DNAH14: variants seen among roughly 807,000 people sequenced by gnomAD.
DNAH14 encodes the protein axonemal beta dynein heavy chain 14.
DNAH14 carries 478 observed loss-of-function variants against 520.9 expected under a neutral mutation model. The observed-to-expected ratio is 0.92, with a 90% CI of 0.85 to 0.99. DNAH14 has a LOEUF of 0.99. DNAH14 is among the 50% of genes least tolerant of loss of function. The pLI is 0.00. For synonymous variants in DNAH14, 1,581 were observed against 1,757.2 expected (o/e 0.90, Z 2.51); for missense variants, 4,831 against 5,234.5 (o/e 0.92, Z 2.38).
chr1:224,971,248 C>T (rs10915750), intron 7 of DNAH14, among the ~76,000 whole-genome samples: 6,118 of 152,108 alleles, frequency 0.04, 345 homozygotes, highest in African/African-American at 0.13. Flanking sequence ...TCTCTAATGT[C>T]TGCATTTTCT....
At chr1:225,266,258 G>T (rs959057300) in intron 48 of DNAH14, among the ~76,000 whole-genome samples, 5 of 152,064 alleles carry the variant, frequency 3.3e-5, no homozygotes, top group Non-Finnish European at 2.9e-5. Flanking sequence ...CTACAATAGT[G>T]CCTTGCCAAT....
At chr1:225,059,708 T>G (rs2069740012) in intron 17 of DNAH14, among the ~76,000 whole-genome samples, 1 of 152,096 alleles carries the variant, frequency 6.6e-6, no homozygotes, top group Admixed American at 6.5e-5. Context: ...AGGAGCTCTT[T>G]TAGGGCAGGC....
chr1:225,082,438 A>G lies in DNAH14; in HGVS notation c.3137-111A>G, dbSNP rs1572939377. The G allele has an allele frequency of 1.2e-5, 10 of 806,212 alleles. No homozygotes were observed. In the East Asian group the frequency reaches 2.6e-4, roughly 21 times the overall value. The allele number at this position is 806,212 out of a possible 1,614,324, so 49.9% of individuals were successfully genotyped here. On this transcript the variant is annotated intron_variant, in intron 19 of 85. Transcript: ENST00000682510. Reference sequence around the variant, plus strand: ...TTATTTTAATGTAGTTTAATAATTGATAAAGTAGTTTTTAACAAATTTTAA... The same window carrying G: ...TTATTTTAATGTAGTTTAATAATTGGTAAAGTAGTTTTTAACAAATTTTAA...
At chr1:224,994,329 A>T (rs2125780335) in intron 8 of DNAH14, among the ~76,000 whole-genome samples, 1 of 152,140 alleles carries the variant, frequency 6.6e-6, no homozygotes, top group East Asian at 1.9e-4. Context: ...TAAATTCTTT[A>T]ATATTTGCTT....
At chr1:225,108,657 C>G (rs1466940286) in intron 23 of DNAH14, among the ~76,000 whole-genome samples, 1 of 152,128 alleles carries the variant, frequency 6.6e-6, no homozygotes. Flanking sequence ...TTCTCCCATT[C>G]TGTGGGTTGT....
At chr1:225,065,267 AAG>A (rs2148449749) in intron 17 of DNAH14, among the ~76,000 whole-genome samples, 1 of 152,038 alleles carries the variant, frequency 6.6e-6, no homozygotes, top group South Asian at 2.1e-4. Flanking sequence ...ATAGGGTACA[AAG>A]TGATGTAATG....
intron 10 of DNAH14, among the ~76,000 whole-genome samples, chr1:225,016,834 T>A (rs936885534): frequency 6.6e-6 from 1 of 151,770 alleles, no homozygotes; most frequent in African/African-American, 2.4e-5. Flanking sequence ...TTGCTGAAGG[T>A]CTCAGTTGCA....
intron 8 of DNAH14, among the ~76,000 whole-genome samples, chr1:224,975,304 C>T (rs1008809350): frequency 3.3e-5 from 5 of 152,092 alleles, no homozygotes; most frequent in Non-Finnish European, 7.4e-5. Context: ...AGGAATAGTA[C>T]CAGTTCCTCC....
chr1:225,262,535 G>T (rs2092969317), intron 46 of DNAH14, among the ~76,000 whole-genome samples: 1 of 151,930 alleles, frequency 6.6e-6, no homozygotes. Context: ...TAAGAGATAA[G>T]AATCCAGTTT....
chr1:225,336,080 TATAC>T (rs1320557354), intron 66 of DNAH14, among the ~76,000 whole-genome samples: 234 of 144,176 alleles, frequency 1.6e-3, no homozygotes, highest in Admixed American at 4.3e-3. Flanking sequence ...CATACTTATA[TATAC>T]ATATATGCTT....
chr1:225,346,626 A>T lies in DNAH14; in HGVS notation c.11268A>T (p.Lys3756Asn), dbSNP rs2095290157. ...FLYSGILINI[K>N]SALSQSRLTS... ...ATTCTGGCATATTGATAAATATTAA[A>T]AGTGCATTATCCCAGTCTAGACTTA... Residue 3756 changes from lysine (K) to asparagine (N), a missense_variant, in exon 71 of 86, where the codon AAA becomes AAT. By Grantham distance (94) the Lys-to-Asn change is moderately conservative (BLOSUM62 0). Transcript: ENST00000682510. 6.5e-7 allele frequency: 1 copy of T among 1,548,734 alleles called. No homozygotes were observed. The highest frequency in any genetic ancestry group is 8.7e-7 in the Non-Finnish European group (1 of 1,145,458).
In DNAH14 at chr1:225,085,532, T is replaced by G. The variant is rs374461029; in HGVS notation, c.3328-12T>G. ...CTATACTGGATACTAAAGAATACTTTGTTCATTTTAGATGTTTCAGTATGA... is the reference window on the plus strand; with the variant it reads ...CTATACTGGATACTAAAGAATACTTGGTTCATTTTAGATGTTTCAGTATGA... On this transcript the variant is annotated splice_polypyrimidine_tract_variant and intron_variant, in intron 20 of 85. Coordinates refer to ENST00000682510, the MANE Select transcript of DNAH14 (RefSeq NM_001367479.1). 2 of 1,534,396 alleles carry G rather than the reference T, an allele frequency of 1.3e-6. No individual in the cohort carries two copies. Among genetic ancestry groups the G allele is most frequent in the South Asian group, 2.4e-5 (2 of 82,728 alleles).
In DNAH14 at chr1:225,167,957, A is replaced by G. The variant is rs778255997; in HGVS notation, c.5464A>G (p.Thr1822Ala). The G allele has an allele frequency of 1.4e-5, 22 of 1,530,088 alleles. No homozygotes were observed. Among genetic ancestry groups the G allele is most frequent in the Non-Finnish European group, 1.8e-5 (21 of 1,136,160 alleles). 94.8% of individuals were successfully genotyped at this position (1,530,088 alleles called of 1,614,324 possible). The change falls in exon 36 of 86, where the codon ACT becomes GCT. Residue 1822 changes from threonine to alanine, a missense_variant. Physicochemically the swap from Thr to Ala is moderately conservative, Grantham distance 58. Transcript: ENST00000682510. ...LALEKVIYTATQQLGLQNWSS... is the reference protein window; with the variant it reads ...LALEKVIYTAAQQLGLQNWSS... ...CTTTTAGAAAGTAATATATACTGCA[A>G]CTCAGCAATTGGGTTTACAAAACTG...
Position 224,974,158 on chromosome 1 carries a change from GT to G in DNAH14, c.830+9del. ...AATTAAGACAGAGAAGAGCAGGTAA[GT>G]TTTGATACGCAATATATAAAAATTT... is the stretch of plus-strand genomic sequence containing the variant. On this transcript the variant is annotated splice_donor_region_variant and intron_variant, in intron 8 of 85. Coordinates refer to ENST00000682510, the MANE Select transcript of DNAH14 (RefSeq NM_001367479.1). 6.8e-7 allele frequency: 1 copy of G among 1,460,906 alleles called. No individual in the cohort carries two copies. Among genetic ancestry groups the G allele is most frequent in the South Asian group, 1.5e-5 (1 of 67,950 alleles). 90.5% of individuals were successfully genotyped at this position (1,460,906 alleles called of 1,614,324 possible).
rs925142176 is a variant in DNAH14, at chr1:225,377,441, G to T, written c.12716+5G>T. The stretch of plus-strand genomic sequence containing the variant: ...CACTGCCAACCTCATGATCAGGTAA[G>T]AACTCGCTAGGAAAAATTGTTGGTC... On this transcript the variant is annotated splice_donor_5th_base_variant and intron_variant, in intron 79 of 85. Transcript: ENST00000682510. The T allele has an allele frequency of 6.5e-7, 1 of 1,537,900 alleles. No homozygotes were observed. Among genetic ancestry groups the T allele is most frequent in the East Asian group, 2.5e-5 (1 of 40,390 alleles).
intron 11 of DNAH14, among the ~76,000 whole-genome samples, chr1:225,024,778 A>G (rs2065966105): frequency 6.6e-6 from 1 of 152,120 alleles, no homozygotes; most frequent in African/African-American, 2.4e-5. Context: ...CCTTTAAAAC[A>G]TTGCGTGTGT....
Position 225,335,459 on chromosome 1 carries a change from G to A in DNAH14, c.10081-1807G>A, listed in dbSNP as rs1202959863. On this transcript the variant is annotated intron_variant, in intron 66 of 85. Transcript: ENST00000682510. The stretch of plus-strand genomic sequence containing the variant: ...CATGTGTGTGTATGCACATATGCAC[G>A]TGTGTACATGTGTGTGTATGCACAT... Among the ~76,000 whole-genome samples the A allele has an allele frequency of 1.9e-4, 19 of 101,344 alleles. 1 individual carries two copies. Among genetic ancestry groups the A allele is most frequent in the African/African-American group, 5.5e-4 (15 of 27,420 alleles). 66.5% of individuals were successfully genotyped at this position (101,344 alleles called of 152,430 possible). A position where few individuals can be genotyped will look rare whatever the true frequency, so the allele number is the denominator to read the frequency against.
intron 41 of DNAH14, among the ~76,000 whole-genome samples, chr1:225,228,128 G>A (rs1449856220): frequency 6.6e-6 from 1 of 152,142 alleles, no homozygotes; most frequent in African/African-American, 2.4e-5. Flanking sequence ...AGATTCATGG[G>A]CACACTTATA....
intron 55 of DNAH14, among the ~76,000 whole-genome samples, chr1:225,290,397 T>G (rs1400222259): frequency 1.3e-5 from 2 of 151,676 alleles, no homozygotes; most frequent in Admixed American, 1.3e-4. Context: ...CTGTCTTATA[T>G]CAGAACTAGC....
Sources: gnomAD v4.1 joint callset for allele counts (sites outside exome capture counted in the v4.1 genomes callset) on GRCh38, gnomAD v4.1.1 for gene constraint, MANE v1.5 for transcripts, NCBI Gene and HGNC (gene_info 2026-07-23, HGNC 2026-07-21) for gene names.